Variants in FBXW10B observed in about 807,000 individuals in gnomAD.
FBXW10B encodes F-box and WD repeat domain containing 10B.
At chr17:15,573,344 A>T in the FBXW10B span, 2 of 152,190 alleles carry the variant, frequency 1.3e-5, no homozygotes, top group East Asian at 3.9e-4. Context: ...ACAGAACCCC[A>T]TAGAATTCTC....
chr17:15,603,556 G>A, the FBXW10B span, among the ~76,000 whole-genome samples: 1 of 152,248 alleles, frequency 6.6e-6, no homozygotes, highest in South Asian at 2.1e-4. Flanking sequence ...TGACAAAACT[G>A]TTAGACTGTC....
chr17:15,595,585 C>T, the FBXW10B span, among the ~76,000 whole-genome samples: 1 of 151,972 alleles, frequency 6.6e-6, no homozygotes, highest in East Asian at 1.9e-4. Flanking sequence ...CTTGCCAGAA[C>T]CCAGAGTGCA....
chr17:15,600,768 G>C, the FBXW10B span, among the ~76,000 whole-genome samples: 1 of 151,904 alleles, frequency 6.6e-6, no homozygotes, highest in Non-Finnish European at 1.5e-5. Context: ...ATATATTGTC[G>C]GCCGGGCGCG....
the FBXW10B span, among the ~76,000 whole-genome samples, chr17:15,587,842 C>T: frequency 1.3e-5 from 2 of 152,126 alleles, no homozygotes; most frequent in South Asian, 2.1e-4. Flanking sequence ...TGCTAAGAAA[C>T]GTGTTGTGGA....
At chr17:15,612,814 T>C in the FBXW10B span, 3 of 1,610,666 alleles carry the variant, frequency 1.9e-6, no homozygotes, top group East Asian at 4.5e-5. Context: ...ATTCCTCTTG[T>C]ATAGGACCCC....
chr17:15,580,421 G>C, the FBXW10B span, among the ~76,000 whole-genome samples: 15 of 151,358 alleles, frequency 9.9e-5, no homozygotes, highest in African/African-American at 3.4e-4. Flanking sequence ...CAGTGCAAGA[G>C]CACCAACGTT....
chr17:15,597,616 AG>A, the FBXW10B span, among the ~76,000 whole-genome samples: 1 of 152,118 alleles, frequency 6.6e-6, no homozygotes, highest in Non-Finnish European at 1.5e-5. Context: ...CTGGCCACAG[AG>A]CAAGACTCCA....
the FBXW10B span, among the ~76,000 whole-genome samples, chr17:15,616,494 A>C: frequency 1.3e-5 from 2 of 151,726 alleles, no homozygotes; most frequent in Non-Finnish European, 2.9e-5. Flanking sequence ...TTTAAGAGAG[A>C]GTCTGCTCTA....
At chr17:15,597,412 G>T in the FBXW10B span, among the ~76,000 whole-genome samples, 1 of 150,442 alleles carries the variant, frequency 6.6e-6, no homozygotes, top group African/African-American at 2.5e-5. Context: ...TGGATTACCA[G>T]GTCAGGAAAT....
the FBXW10B span, among the ~76,000 whole-genome samples, chr17:15,579,138 C>A: frequency 1.5e-5 from 2 of 136,618 alleles, no homozygotes; most frequent in Non-Finnish European, 3.0e-5. Flanking sequence ...GATGGGACCC[C>A]ATTTCTTAAA....
chr17:15,596,074 G>C, the FBXW10B span, among the ~76,000 whole-genome samples: 1 of 151,854 alleles, frequency 6.6e-6, no homozygotes, highest in Non-Finnish European at 1.5e-5. Flanking sequence ...TTTTAGTAGA[G>C]ACAGGGTTTC....
chr17:15,615,877 G>A, the FBXW10B span: 1 of 1,603,990 alleles, frequency 6.2e-7, no homozygotes, highest in Non-Finnish European at 8.5e-7. Flanking sequence ...GAGGTGGAGA[G>A]AAACTTTTTC....
At chr17:15,576,444 G>A in the FBXW10B span, among the ~76,000 whole-genome samples, 1 of 152,266 alleles carries the variant, frequency 6.6e-6, no homozygotes, top group South Asian at 2.1e-4. Context: ...AATATGTGTT[G>A]AATGAAATGA....
chr17:15,590,126 C>T, the FBXW10B span, among the ~76,000 whole-genome samples: 6 of 148,808 alleles, frequency 4.0e-5, no homozygotes, highest in Admixed American at 2.0e-4. Flanking sequence ...GTGCATCCTT[C>T]GCGGCTGAAT....
chr17:15,594,801 G>A, the FBXW10B span: 974 of 1,613,956 alleles, frequency 6.0e-4, 5 homozygotes, highest in African/African-American at 0.011. Context: ...CCATGCTCCA[G>A]GCCATGACCA....
the FBXW10B span, among the ~76,000 whole-genome samples, chr17:15,614,474 G>C: frequency 6.8e-4 from 104 of 152,148 alleles, no homozygotes; most frequent in Non-Finnish European, 1.3e-3. Flanking sequence ...GATTACAGGC[G>C]TGAGGCACTG....
At chr17:15,571,308 G>T in the FBXW10B span, among the ~76,000 whole-genome samples, 1 of 151,158 alleles carries the variant, frequency 6.6e-6, no homozygotes, top group Non-Finnish European at 1.5e-5. Flanking sequence ...TCATGCCACT[G>T]CACTCAAGTC....
chr17:15,586,826 G>A, the FBXW10B span, among the ~76,000 whole-genome samples: 1 of 151,666 alleles, frequency 6.6e-6, no homozygotes, highest in African/African-American at 2.4e-5. Context: ...AGATAGAAGG[G>A]ATAGAATAGA....
At chr17:15,601,408 C>CAAAAAA in the FBXW10B span, among the ~76,000 whole-genome samples, 5 of 66,556 alleles carry the variant, frequency 7.5e-5, no homozygotes, top group East Asian at 4.5e-4. Flanking sequence ...GACTCCGTCT[C>CAAAAAA]AAAAAAAAAA....
Sources: gnomAD v4.1 joint callset for allele counts (sites outside exome capture counted in the v4.1 genomes callset) on GRCh38, gnomAD v4.1.1 for gene constraint, MANE v1.5 for transcripts, NCBI Gene and HGNC (gene_info 2026-07-23, HGNC 2026-07-21) for gene names.